The following SPPL3 variants were observed in gnomAD, a reference collection of about 807,000 sequenced individuals.
SPPL3 encodes the protein signal peptide peptidase like 3.
Under a neutral mutation model 42.4 loss-of-function variants are expected in SPPL3, and 5 were observed. That is an observed-to-expected ratio of 0.12 (90% CI 0.06 to 0.25). SPPL3 has a LOEUF of 0.25. Ranked by LOEUF, SPPL3 falls within the 10% of genes least tolerant of loss-of-function variation. The pLI is 1.00. For synonymous variants in SPPL3, 195 were observed against 181.8 expected (o/e 1.07, Z -0.58); for missense variants, 235 against 489.0 (o/e 0.48, Z 4.90).
chr12:120,876,366 C>T (rs953026827), intron 1 of SPPL3, among the ~76,000 whole-genome samples: 29 of 151,980 alleles, frequency 1.9e-4, no homozygotes, highest in Admixed American at 4.6e-4. Context: ...GTAATCTCAG[C>T]ACTTTGGGAG....
intron 2 of SPPL3, among the ~76,000 whole-genome samples, chr12:120,808,828 T>C (rs188771527): frequency 1.3e-5 from 2 of 152,322 alleles, no homozygotes; most frequent in African/African-American, 4.8e-5. Context: ...CTACTGAAAG[T>C]AGTATTAGGG....
At chr12:120,852,346 A>G (rs1026416643) in intron 1 of SPPL3, among the ~76,000 whole-genome samples, 2 of 71,800 alleles carry the variant, frequency 2.8e-5, no homozygotes, top group Non-Finnish European at 6.6e-5. Context: ...TTATATATAC[A>G]TATTTTACAT....
At chr12:120,900,900 C>CGA (rs535145046) in intron 1 of SPPL3, among the ~76,000 whole-genome samples, 71 of 125,722 alleles carry the variant, frequency 5.6e-4, no homozygotes, top group African/African-American at 2.1e-3. Context: ...CCAGCCTGGG[C>CGA]GAAAGAGTGA....
chr12:120,784,692 A>G, intron 3 of SPPL3, 99 bp from the exon 4 acceptor site: 1 of 871,076 alleles, frequency 1.1e-6, no homozygotes, highest in South Asian at 1.9e-5. Context: ...AGACAGTTCT[A>G]CGGATTATAC....
chr12:120,885,849 C>CTTTTTT (rs142907503), intron 1 of SPPL3, among the ~76,000 whole-genome samples: 1 of 121,620 alleles, frequency 8.2e-6, no homozygotes, highest in African/African-American at 3.1e-5. Context: ...AACATTAAAA[C>CTTTTTT]TTTTTTTTTT....
At chr12:120,785,815 T>TA (rs5801402) in intron 3 of SPPL3, among the ~76,000 whole-genome samples, 123 of 133,814 alleles carry the variant, frequency 9.2e-4, no homozygotes, top group Middle Eastern at 3.8e-3. Context: ...TACAGAAAAT[T>TA]AAAAAAAAAA....
intron 6 of SPPL3, among the ~76,000 whole-genome samples, chr12:120,778,038 T>C (rs1334995215): frequency 6.6e-6 from 1 of 150,450 alleles, no homozygotes; most frequent in African/African-American, 2.4e-5. Flanking sequence ...ATAACTACTA[T>C]GAAAACAGAT....
At chr12:120,888,632 T>C (rs933198430) in intron 1 of SPPL3, among the ~76,000 whole-genome samples, 1 of 152,150 alleles carries the variant, frequency 6.6e-6, no homozygotes, top group African/African-American at 2.4e-5. Context: ...GACTAGTGGC[T>C]GCCAAGGGCT....
intron 1 of SPPL3, among the ~76,000 whole-genome samples, chr12:120,899,453 T>C (rs1015034518): frequency 3.3e-5 from 5 of 152,228 alleles, no homozygotes; most frequent in Non-Finnish European, 5.9e-5. Context: ...GTAGGGTCTA[T>C]GTGTACTACA....
At chr12:120,863,365 A>C (rs1246055417) in intron 1 of SPPL3, among the ~76,000 whole-genome samples, 1 of 150,530 alleles carries the variant, frequency 6.6e-6, no homozygotes, top group African/African-American at 2.4e-5. Flanking sequence ...AAAAAAAAAA[A>C]GTTTTAATGA....
At chr12:120,873,655 A>G (rs1008317983) in intron 1 of SPPL3, among the ~76,000 whole-genome samples, 1 of 152,112 alleles carries the variant, frequency 6.6e-6, no homozygotes, top group Non-Finnish European at 1.5e-5. Context: ...TGGGTGGATC[A>G]TGAGGTCAGG....
intron 1 of SPPL3, among the ~76,000 whole-genome samples, chr12:120,876,448 CT>C (rs940623031): frequency 1.3e-5 from 2 of 150,850 alleles, no homozygotes; most frequent in African/African-American, 4.9e-5. Flanking sequence ...CCCGTCTCTA[CT>C]AAAAAAAAAT....
intron 1 of SPPL3, among the ~76,000 whole-genome samples, chr12:120,857,668 G>A (rs1480201019): frequency 1.5e-4 from 23 of 152,134 alleles, no homozygotes; most frequent in Admixed American, 1.5e-3. Flanking sequence ...TCCTTTTCAG[G>A]GACATGGATG....
intron 1 of SPPL3, among the ~76,000 whole-genome samples, chr12:120,850,222 C>T (rs1343342938): frequency 6.6e-6 from 1 of 152,186 alleles, no homozygotes; most frequent in Non-Finnish European, 1.5e-5. Context: ...TAAAATTAGG[C>T]TTTCCAGAGA....
intron 2 of SPPL3, among the ~76,000 whole-genome samples, chr12:120,793,383 C>G (rs1227224944): frequency 1.3e-5 from 2 of 152,182 alleles, no homozygotes; most frequent in Non-Finnish European, 2.9e-5. Context: ...ACAGTTTCAG[C>G]TACTCGCCAG....
intron 1 of SPPL3, among the ~76,000 whole-genome samples, chr12:120,888,354 G>A (rs1281587774): frequency 6.6e-6 from 1 of 152,116 alleles, no homozygotes; most frequent in Non-Finnish European, 1.5e-5. Context: ...GGGATTACAG[G>A]CATGAGCCAC....
chr12:120,793,761 A>G (rs1331239528), intron 2 of SPPL3, among the ~76,000 whole-genome samples: 1 of 152,240 alleles, frequency 6.6e-6, no homozygotes, highest in Non-Finnish European at 1.5e-5. Flanking sequence ...GCCTGGGCTA[A>G]TGCAGATCAG....
chr12:120,784,398 TA>T, intron 4 of SPPL3, 75 bp downstream of exon 4: 1 of 1,430,886 alleles, frequency 7.0e-7, no homozygotes, highest in Middle Eastern at 1.9e-4. Flanking sequence ...ATATAAATCT[TA>T]ATTTTTGAAC....
intron 1 of SPPL3, among the ~76,000 whole-genome samples, chr12:120,851,266 C>A (rs1321708698): frequency 2.0e-5 from 3 of 152,152 alleles, no homozygotes; most frequent in African/African-American, 7.2e-5. Flanking sequence ...GCAGCACATA[C>A]CACTTCTCCT....
Sources: gnomAD v4.1 joint callset for allele counts (sites outside exome capture counted in the v4.1 genomes callset) on GRCh38, gnomAD v4.1.1 for gene constraint, MANE v1.5 for transcripts, NCBI Gene and HGNC (gene_info 2026-07-23, HGNC 2026-07-21) for gene names.